Variants in TRAK1 observed in about 807,000 individuals in gnomAD.
TRAK1 encodes the protein trafficking kinesin-binding protein 1.
TRAK1 carries 33 observed loss-of-function variants against 92.1 expected under a neutral mutation model. The ratio of observed to expected loss-of-function variants is 0.36; its 90% confidence interval spans 0.27 to 0.48. TRAK1 has a LOEUF of 0.48. TRAK1 is among the 20% of genes least tolerant of loss of function. The pLI is 0.99. For synonymous variants in TRAK1, 521 were observed against 517.3 expected (o/e 1.01, Z -0.10); for missense variants, 1,123 against 1,257.9 (o/e 0.89, Z 1.62).
chr3:42,146,069 A>T (rs945063466), intron 2 of TRAK1: 3 of 453,816 alleles, frequency 6.6e-6, no homozygotes, highest in African/African-American at 6.1e-5. Context: ...CTGAGTAAGA[A>T]AGATTCTGCT....
At position 42,173,508 on chromosome 3, in the gene TRAK1, A is replaced by G. The variant is rs1006639663; in HGVS notation, c.287-3306A>G. ...CTGCTCAGAGCCCCTTGGCTTGGAT[A>G]GAGTCTCCTGAGAAAACCTAAGCCT... On this transcript the variant is annotated intron_variant, in intron 2 of 15. Transcript: ENST00000327628. Among the ~76,000 whole-genome samples the G allele has an allele frequency of 8.5e-5, 13 of 152,188 alleles. No homozygotes were observed. The East Asian group carries it at 2.3e-3, about 27-fold the overall frequency.
chr3:42,074,457 A>G (rs1275411983), intron 1 of TRAK1, among the ~76,000 whole-genome samples: 2 of 152,220 alleles, frequency 1.3e-5, no homozygotes, highest in Non-Finnish European at 2.9e-5. Flanking sequence ...GGGAGACTGT[A>G]GGGCTGGTTG....
At chr3:42,017,500 C>T (rs1000948216) in intron 1 of TRAK1, among the ~76,000 whole-genome samples, 2 of 152,190 alleles carry the variant, frequency 1.3e-5, no homozygotes, top group African/African-American at 2.4e-5. Context: ...CTCCTTTTCC[C>T]CCCTTCTTTT....
intron 1 of TRAK1, among the ~76,000 whole-genome samples, chr3:42,113,361 C>T (rs369920263): frequency 5.5e-5 from 8 of 144,666 alleles, no homozygotes; most frequent in South Asian, 2.4e-4. Flanking sequence ...CCTACGCCTA[C>T]GCCTACGCCT....
intron 1 of TRAK1, among the ~76,000 whole-genome samples, chr3:42,041,205 G>A (rs147930156): frequency 3.4e-4 from 51 of 149,870 alleles, no homozygotes; most frequent in African/African-American, 1.0e-3. Context: ...AATTTCAGGA[G>A]TATTGACATC....
At chr3:42,097,520 G>A (rs1398764682) in intron 1 of TRAK1, among the ~76,000 whole-genome samples, 2 of 152,208 alleles carry the variant, frequency 1.3e-5, no homozygotes, top group African/African-American at 4.8e-5. Flanking sequence ...TCCTCAGTGT[G>A]TAGAGGCTGA....
chr3:42,101,262 G>A (rs909258726), intron 1 of TRAK1, among the ~76,000 whole-genome samples: 1 of 152,214 alleles, frequency 6.6e-6, no homozygotes, highest in Non-Finnish European at 1.5e-5. Flanking sequence ...CGGCCACAGC[G>A]AATCATGTGG....
intron 1 of TRAK1, among the ~76,000 whole-genome samples, chr3:42,018,982 C>T (rs1456497029): frequency 2.0e-5 from 3 of 151,962 alleles, no homozygotes; most frequent in African/African-American, 4.8e-5. Context: ...ATTAGCTGGG[C>T]GTGCTGGTGG....
chr3:42,145,478 C>G (rs1168708605), intron 2 of TRAK1, among the ~76,000 whole-genome samples: 4 of 139,008 alleles, frequency 2.9e-5, no homozygotes, highest in Middle Eastern at 3.7e-3. Flanking sequence ...GAGTGAGACT[C>G]TGTCTCAAAA....
At chr3:42,198,357 CAT>C (rs879686878) in intron 10 of TRAK1, among the ~76,000 whole-genome samples, 9 of 152,292 alleles carry the variant, frequency 5.9e-5, no homozygotes, top group East Asian at 1.9e-4. Flanking sequence ...GAGAGAGAAA[CAT>C]GTGAGCTGTT....
In TRAK1 at chr3:42,202,322, C is replaced by T; in HGVS notation, c.1428-114C>T. Reference sequence around the variant, plus strand: ...AATGTCAACTGCTTGCCTTGGTTCCCATGGAGAATCCTGTAGCCCCAGGGA... The same window carrying T: ...AATGTCAACTGCTTGCCTTGGTTCCTATGGAGAATCCTGTAGCCCCAGGGA... On this transcript the variant is annotated intron_variant, in intron 12 of 15. Coordinates refer to ENST00000327628, the MANE Select transcript of TRAK1 (RefSeq NM_001042646.3). The surrounding 1 kb of genome is among the most constrained non-coding windows in gnomAD (Gnocchi z 6.1). The T allele has an allele frequency of 8.5e-7, 1 of 1,173,522 alleles. No homozygotes were observed. Among genetic ancestry groups the T allele is most frequent in the Middle Eastern group, 3.3e-4 (1 of 3,056 alleles). 72.7% of individuals were successfully genotyped at this position (1,173,522 alleles called of 1,614,324 possible).
intron 1 of TRAK1, among the ~76,000 whole-genome samples, chr3:42,074,446 A>G (rs1342447342): frequency 6.6e-6 from 1 of 152,220 alleles, no homozygotes; most frequent in Non-Finnish European, 1.5e-5. Flanking sequence ...GCTAGAGAAC[A>G]GGGAGACTGT....
intron 2 of TRAK1, among the ~76,000 whole-genome samples, chr3:42,136,692 GT>G (rs771418344): frequency 6.6e-6 from 1 of 151,048 alleles, no homozygotes; most frequent in Non-Finnish European, 1.5e-5. Flanking sequence ...CTTTCTTTTT[GT>G]TTTTTTTGAG....
chr3:42,062,665 T>A (rs1703497684), intron 1 of TRAK1, among the ~76,000 whole-genome samples: 2 of 152,226 alleles, frequency 1.3e-5, no homozygotes, highest in Admixed American at 6.5e-5. Context: ...CTGTATGCCT[T>A]AAAACAAAGT....
chr3:42,160,556 C>CTTTT, intron 2 of TRAK1: 2 of 1,199,576 alleles, frequency 1.7e-6, no homozygotes, highest in Non-Finnish European at 2.3e-6. Context: ...TTTCATAGCA[C>CTTTT]TGTTTTGTTT....
chr3:42,064,068 G>C (rs1703568897), intron 1 of TRAK1, among the ~76,000 whole-genome samples: 1 of 152,202 alleles, frequency 6.6e-6, no homozygotes, highest in Non-Finnish European at 1.5e-5. Flanking sequence ...CTAGAGATGG[G>C]AGGGAACCCA....
At chr3:42,015,561 A>G (rs903150490) in intron 1 of TRAK1, among the ~76,000 whole-genome samples, 22 of 152,016 alleles carry the variant, frequency 1.4e-4, no homozygotes, top group African/African-American at 5.3e-4. Context: ...CTGGGAGACA[A>G]TGTTTTAAAT....
chr3:42,080,313 A>C (rs1233884821), intron 1 of TRAK1, among the ~76,000 whole-genome samples: 1 of 152,164 alleles, frequency 6.6e-6, no homozygotes, highest in Non-Finnish European at 1.5e-5. Context: ...AGAGTGGGGC[A>C]GGGGACCTGG....
At chr3:42,141,045 C>T (rs545241728) in intron 2 of TRAK1, among the ~76,000 whole-genome samples, 3 of 152,154 alleles carry the variant, frequency 2.0e-5, no homozygotes, top group South Asian at 2.1e-4. Flanking sequence ...AGGTGGGATG[C>T]GGCAATATCT....
Sources: gnomAD v4.1 joint callset for allele counts (sites outside exome capture counted in the v4.1 genomes callset) on GRCh38, gnomAD v4.1.1 for gene constraint, Gnocchi (gnomAD v3.1) non-coding constraint, MANE v1.5 for transcripts, NCBI Gene and HGNC (gene_info 2026-07-23, HGNC 2026-07-21) for gene names.